MARK1: variants seen among roughly 807,000 people sequenced by gnomAD.
MARK1 encodes the protein serine/threonine-protein kinase MARK1.
A neutral mutation model predicts 96.3 loss-of-function variants in MARK1; 40 were observed. The ratio of observed to expected loss-of-function variants is 0.42; its 90% CI spans 0.32 to 0.54. The LOEUF (loss-of-function observed/expected upper bound fraction) is 0.54. Ranked by LOEUF, MARK1 falls within the 20% of genes least tolerant of loss-of-function variation. The pLI, the probability that MARK1 is intolerant of heterozygous loss-of-function variation, is 0.16. For missense variants in MARK1, 719 were observed against 984.6 expected, an observed-to-expected ratio of 0.73 and a Z score of 3.61; for synonymous variants, 317 against 341.2, an observed-to-expected ratio of 0.93 and a Z score of 0.78.
At chr1:220,592,334 A>G (rs943299657) in intron 3 of MARK1, among the ~76,000 whole-genome samples, 7 of 151,766 alleles carry the variant, frequency 4.6e-5, no homozygotes, top group African/African-American at 1.7e-4. Flanking sequence ...GTAAATAGCC[A>G]TGTTGGAGAA....
rs752270734 is a variant in MARK1 at position 220,528,913 on chromosome 1, G to A, written c.51+40G>A. On this transcript the variant is annotated intron_variant, in intron 1 of 17. Coordinates refer to ENST00000366917, the MANE Select transcript of MARK1 (RefSeq NM_018650.5). ...CCTCCCTCGGGAGCAGTGGGGGCGA[G>A]ACCCTCCTCTGATCCCCACTTCACC... is the stretch of plus-strand genomic sequence containing the variant. 2.0e-5 allele frequency: 30 copies of A among 1,528,908 alleles called. No individual in the cohort carries two copies. The East Asian group carries it at 4.6e-4, about 24-fold the overall frequency. The allele number at this position is 1,528,908 out of a possible 1,614,324, so 94.7% of individuals were successfully genotyped here.
At chr1:220,614,050 C>T (rs1666603617) in intron 6 of MARK1, among the ~76,000 whole-genome samples, 1 of 152,052 alleles carries the variant, frequency 6.6e-6, no homozygotes, top group Non-Finnish European at 1.5e-5. Context: ...CTCTGTTATC[C>T]AGGTTGGTGT....
At chr1:220,658,223 G>C (rs759506198) in intron 17 of MARK1, among the ~76,000 whole-genome samples, 1 of 152,186 alleles carries the variant, frequency 6.6e-6, no homozygotes, top group Non-Finnish European at 1.5e-5. Context: ...TTTGATATTA[G>C]TAATATATTT....
chr1:220,600,281 A>G (rs3767319), intron 5 of MARK1, among the ~76,000 whole-genome samples: 88,431 of 151,992 alleles, frequency 0.58, 27,077 homozygotes, highest in Non-Finnish European at 0.68. Context: ...TTCACATATG[A>G]CAGATTCTCA....
At position 220,654,470 on chromosome 1, in the gene MARK1, A is replaced by T. The variant is rs186519276; in HGVS notation, c.1988+1118A>T. Among the ~76,000 whole-genome samples the T allele has an allele frequency of 1.1e-3, 167 of 152,308 alleles. 4 individuals carry two copies. The highest frequency in any genetic ancestry group is 0.011 in the Admixed American group (165 of 15,286). Reference sequence around the variant, plus strand: ...CAGTTTGCCCAGTATCACATAGCTGAATTAAAAACTTTAAAGCCTCAAATG... The same window carrying T: ...CAGTTTGCCCAGTATCACATAGCTGTATTAAAAACTTTAAAGCCTCAAATG... On this transcript the variant is annotated intron_variant, in intron 16 of 17. Transcript: ENST00000366917. The surrounding 1 kb of genome is among the most constrained non-coding windows in gnomAD (Gnocchi z 4.0).
intron 1 of MARK1, among the ~76,000 whole-genome samples, chr1:220,561,815 C>A (rs1469128893): frequency 6.6e-6 from 1 of 152,148 alleles, no homozygotes; most frequent in African/African-American, 2.4e-5. Context: ...CTGTTGTGTT[C>A]TGTTTACTTC....
intron 1 of MARK1, among the ~76,000 whole-genome samples, chr1:220,532,559 T>C (rs1660387910): frequency 6.6e-6 from 1 of 152,192 alleles, no homozygotes; most frequent in African/African-American, 2.4e-5. Context: ...CCTGAGAGGC[T>C]GAATGAAGCC....
At chr1:220,537,738 T>TCC (rs992903455) in intron 1 of MARK1, among the ~76,000 whole-genome samples, 3 of 150,660 alleles carry the variant, frequency 2.0e-5, no homozygotes, top group African/African-American at 4.9e-5. Context: ...CCACATCCTC[T>TCC]CCAGCACCTG....
chr1:220,533,087 C>T (rs1382417506), intron 1 of MARK1, among the ~76,000 whole-genome samples: 1 of 152,060 alleles, frequency 6.6e-6, no homozygotes, highest in Non-Finnish European at 1.5e-5. Flanking sequence ...CAGGGTATGC[C>T]GTCCCTATCC....
At chr1:220,543,607 A>G (rs1168094724) in intron 1 of MARK1, among the ~76,000 whole-genome samples, 4 of 152,148 alleles carry the variant, frequency 2.6e-5, no homozygotes, top group Middle Eastern at 6.3e-3. Flanking sequence ...TTTCTAGCTA[A>G]ATTGAAAATA....
In MARK1 at chr1:220,611,807, G is replaced by T. The variant is rs192235445; in HGVS notation, c.496-4132G>T. Among the ~76,000 whole-genome samples, 894 of 151,790 alleles carry T rather than the reference G, an allele frequency of 5.9e-3. 5 individuals carry two copies. Among genetic ancestry groups the T allele is most frequent in the Non-Finnish European group, 0.01 (695 of 67,906 alleles). On this transcript the variant is annotated intron_variant, in intron 6 of 17. Transcript: ENST00000366917. ...GAGTGCAGTGGCGCTATCTTGTCTC[G>T]CTGCAACCTCCGCCTCCTGGGTTCA...
chr1:220,559,225 G>A (rs985478786), intron 1 of MARK1, among the ~76,000 whole-genome samples: 1 of 152,214 alleles, frequency 6.6e-6, no homozygotes. Context: ...GCAAAGGGCA[G>A]TGAAGTATCT....
chr1:220,537,196 T>C (rs1558242614), intron 1 of MARK1, among the ~76,000 whole-genome samples: 1 of 149,566 alleles, frequency 6.7e-6, no homozygotes, highest in Non-Finnish European at 1.5e-5. Flanking sequence ...CATTAACTCT[T>C]CATTTAGCAT....
intron 13 of MARK1, among the ~76,000 whole-genome samples, chr1:220,643,982 C>G (rs181218672): frequency 6.6e-6 from 1 of 152,090 alleles, no homozygotes. Flanking sequence ...GTACACAGAC[C>G]GATGACACTA....
intron 3 of MARK1, among the ~76,000 whole-genome samples, chr1:220,582,911 T>A (rs1664333654): frequency 6.6e-6 from 1 of 152,176 alleles, no homozygotes; most frequent in Non-Finnish European, 1.5e-5. Context: ...CAGTACACTG[T>A]GTGTGTGATT....
intron 11 of MARK1, among the ~76,000 whole-genome samples, chr1:220,632,579 G>T (rs957409048): frequency 6.6e-6 from 1 of 152,144 alleles, no homozygotes; most frequent in Admixed American, 6.5e-5. Context: ...CTCCCACACA[G>T]CTTGTGCATC....
intron 1 of MARK1, among the ~76,000 whole-genome samples, chr1:220,545,257 C>T (rs1301108196): frequency 6.6e-6 from 1 of 152,124 alleles, no homozygotes; most frequent in East Asian, 1.9e-4. Flanking sequence ...AGTGAGAGGG[C>T]CTGGCTTGAG....
At chr1:220,596,553 A>G (rs928239848) in intron 3 of MARK1, among the ~76,000 whole-genome samples, 16 of 152,180 alleles carry the variant, frequency 1.1e-4, no homozygotes, top group Non-Finnish European at 2.1e-4. Context: ...GCACACATAC[A>G]GACTCCCTGG....
At chr1:220,576,004 T>C (rs147319924) in intron 1 of MARK1, among the ~76,000 whole-genome samples, 17 of 2,514 alleles carry the variant, frequency 6.8e-3, no homozygotes, top group Non-Finnish European at 0.01. Context: ...TTTTTTCTTC[T>C]CTCCCTCCCT....
Sources: gnomAD v4.1 joint callset for allele counts (sites outside exome capture counted in the v4.1 genomes callset) on GRCh38, gnomAD v4.1.1 for gene constraint, Gnocchi (gnomAD v3.1) non-coding constraint, MANE v1.5 for transcripts, NCBI Gene and HGNC (gene_info 2026-07-23, HGNC 2026-07-21) for gene names.